Variants in NKAIN2 observed in about 807,000 individuals in gnomAD.
NKAIN2 encodes sodium/potassium-transporting ATPase subunit beta-1-interacting protein 2.
A neutral mutation model predicts 32.6 loss-of-function variants in NKAIN2; 14 were observed. The ratio of observed to expected loss-of-function variants is 0.43; its 90% CI spans 0.28 to 0.67. NKAIN2 has a LOEUF of 0.67. NKAIN2 is among the 30% of genes least tolerant of loss of function. The pLI is 0.17. For synonymous variants in NKAIN2, 80 were observed against 87.2 expected (o/e 0.92, Z 0.46); for missense variants, 198 against 258.3 (o/e 0.77, Z 1.60).
intron 1 of NKAIN2, among the ~76,000 whole-genome samples, chr6:124,131,747 G>A (rs1243011919): frequency 5.9e-5 from 9 of 152,134 alleles, no homozygotes; most frequent in African/African-American, 1.7e-4. Context: ...TTGAGCCCAG[G>A]GAAGGCATCC....
At chr6:124,276,323 C>T (rs1795031104) in intron 1 of NKAIN2, among the ~76,000 whole-genome samples, 1 of 151,276 alleles carries the variant, frequency 6.6e-6, no homozygotes, top group African/African-American at 2.4e-5. Flanking sequence ...CACACACACA[C>T]ATACACACCA....
intron 3 of NKAIN2, among the ~76,000 whole-genome samples, chr6:124,607,508 T>C (rs1782542732): frequency 6.6e-6 from 1 of 152,108 alleles, no homozygotes; most frequent in South Asian, 2.1e-4. Context: ...TTCAATTTGT[T>C]TACCTACTGT....
At chr6:124,765,392 T>A (rs1778467226) in intron 4 of NKAIN2, among the ~76,000 whole-genome samples, 1 of 152,172 alleles carries the variant, frequency 6.6e-6, no homozygotes. Context: ...AAGAAGGAAA[T>A]GTGTGTTTTG....
chr6:123,923,612 T>TA (rs1027009556), intron 1 of NKAIN2, among the ~76,000 whole-genome samples: 77 of 151,540 alleles, frequency 5.1e-4, no homozygotes, highest in African/African-American at 1.8e-3. Flanking sequence ...TATGCAGCCA[T>TA]AAAAAATGAT....
At chr6:124,073,729 A>T (rs1783561885) in intron 1 of NKAIN2, among the ~76,000 whole-genome samples, 1 of 152,156 alleles carries the variant, frequency 6.6e-6, no homozygotes, top group African/African-American at 2.4e-5. Context: ...CCTCATGGCC[A>T]TAGGAGCCCT....
intron 1 of NKAIN2, among the ~76,000 whole-genome samples, chr6:123,840,636 G>T (rs1351428076): frequency 1.3e-5 from 2 of 152,018 alleles, no homozygotes; most frequent in Non-Finnish European, 2.9e-5. Context: ...ATCTTTTTGA[G>T]GTACTTGTCC....
intron 3 of NKAIN2, among the ~76,000 whole-genome samples, chr6:124,448,570 C>G (rs1345950645): frequency 1.3e-5 from 2 of 152,130 alleles, no homozygotes; most frequent in African/African-American, 4.8e-5. Context: ...TCCAATCTCC[C>G]TATGAGCCTG....
chr6:124,714,508 G>A (rs751056070), intron 4 of NKAIN2, among the ~76,000 whole-genome samples: 1 of 152,052 alleles, frequency 6.6e-6, no homozygotes, highest in Non-Finnish European at 1.5e-5. Flanking sequence ...GTCTATTCTT[G>A]GGCCTTCTCC....
chr6:124,109,194 T>G (rs76502253), intron 1 of NKAIN2, among the ~76,000 whole-genome samples: 5,185 of 152,090 alleles, frequency 0.034, 171 homozygotes, highest in East Asian at 0.11. Context: ...GGACTTTTGA[T>G]GTCTATTTGC....
At chr6:124,289,366 G>A (rs980753728) in intron 2 of NKAIN2, among the ~76,000 whole-genome samples, 3 of 151,936 alleles carry the variant, frequency 2.0e-5, no homozygotes, top group Non-Finnish European at 4.4e-5. Flanking sequence ...CAGACAAAGT[G>A]TCACCTGCTT....
chr6:123,881,223 T>G (rs936738723), intron 1 of NKAIN2, among the ~76,000 whole-genome samples: 1 of 152,184 alleles, frequency 6.6e-6, no homozygotes, highest in Admixed American at 6.5e-5. Flanking sequence ...GATTTCACCA[T>G]GTTGGCCAGG....
At chr6:124,329,357 G>A (rs531538283) in intron 2 of NKAIN2, among the ~76,000 whole-genome samples, 2 of 152,294 alleles carry the variant, frequency 1.3e-5, no homozygotes, top group East Asian at 1.9e-4. Flanking sequence ...TGCCAGGAGA[G>A]TGACTTCTTT....
chr6:124,587,734 A>G (rs1311960006), intron 3 of NKAIN2, among the ~76,000 whole-genome samples: 2 of 152,206 alleles, frequency 1.3e-5, no homozygotes, highest in East Asian at 1.9e-4. Context: ...GCTGAGCTAC[A>G]GGTATTCTGG....
chr6:124,133,912 A>G (rs1413530893), intron 1 of NKAIN2, among the ~76,000 whole-genome samples: 1 of 152,170 alleles, frequency 6.6e-6, no homozygotes, highest in Non-Finnish European at 1.5e-5. Flanking sequence ...AGTTTGAAGA[A>G]ATAGCCTACT....
chr6:123,932,626 C>T (rs1428430867), intron 1 of NKAIN2, among the ~76,000 whole-genome samples: 2 of 151,824 alleles, frequency 1.3e-5, no homozygotes, highest in African/African-American at 2.4e-5. Context: ...ACCGTGTTAG[C>T]CAGGATGGTC....
At chr6:123,953,060 T>C (rs1304317663) in intron 1 of NKAIN2, among the ~76,000 whole-genome samples, 1 of 152,176 alleles carries the variant, frequency 6.6e-6, no homozygotes. Flanking sequence ...GTTATGTCTA[T>C]GGTATTGGTT....
chr6:124,122,826 C>A (rs1030948272), intron 1 of NKAIN2, among the ~76,000 whole-genome samples: 1 of 151,872 alleles, frequency 6.6e-6, no homozygotes, highest in African/African-American at 2.4e-5. Context: ...TATTCTCTTC[C>A]CCCAAAGTAT....
At chr6:123,859,924 C>G (rs1283450833) in intron 1 of NKAIN2, among the ~76,000 whole-genome samples, 2 of 152,172 alleles carry the variant, frequency 1.3e-5, no homozygotes, top group Non-Finnish European at 2.9e-5. Context: ...CTCCTGACCT[C>G]AAGTGATCCA....
intron 3 of NKAIN2, among the ~76,000 whole-genome samples, chr6:124,605,920 G>A (rs1046843456): frequency 5.3e-5 from 8 of 151,970 alleles, no homozygotes; most frequent in Admixed American, 3.9e-4. Context: ...AGCAGAGAGC[G>A]CAAGGCCACC....
Sources: gnomAD v4.1 joint callset for allele counts (sites outside exome capture counted in the v4.1 genomes callset) on GRCh38, gnomAD v4.1.1 for gene constraint, MANE v1.5 for transcripts, NCBI Gene and HGNC (gene_info 2026-07-23, HGNC 2026-07-21) for gene names.